Variants in SMG1 observed in about 807,000 individuals in gnomAD.
The protein encoded by SMG1 is serine/threonine-protein kinase SMG1.
A neutral mutation model predicts 419.9 loss-of-function variants in SMG1; 22 were observed. That is an observed-to-expected ratio of 0.05 (90% CI 0.04 to 0.07). SMG1 has a LOEUF of 0.07. Ranked by LOEUF, SMG1 falls within the 10% of genes least tolerant of loss-of-function variation. SMG1 has a pLI of 1.00. For missense variants in SMG1, 3,185 were observed against 4,342.0 expected (o/e 0.73, Z 7.49); for synonymous variants, 1,538 against 1,553.5 (o/e 0.99, Z 0.23).
At chr16:18,840,002 A>G (rs1330527917) in intron 41 of SMG1, 56 bp from the exon 42 acceptor site, 9 of 1,381,506 alleles carry the variant, frequency 6.5e-6, no homozygotes, top group Non-Finnish European at 6.9e-6. Context: ...ATAAGGAAAA[A>G]GAGTGCCTTT....
chr16:18,863,462 T>TC (rs1451408589), intron 25 of SMG1, among the ~76,000 whole-genome samples, 188 bp downstream of exon 25: 1 of 152,258 alleles, frequency 6.6e-6, no homozygotes, highest in African/African-American at 2.4e-5. Flanking sequence ...AGCAGTGTTT[T>TC]CCCATTACAC....
At chr16:18,918,078 T>C (rs2142006720) in intron 1 of SMG1, among the ~76,000 whole-genome samples, 1 of 151,490 alleles carries the variant, frequency 6.6e-6, no homozygotes, top group African/African-American at 2.4e-5. Context: ...CTGACCAACA[T>C]GGTGAAACCC....
intron 1 of SMG1, among the ~76,000 whole-genome samples, chr16:18,922,887 C>A (rs1329266885): frequency 1.3e-5 from 2 of 152,096 alleles, no homozygotes; most frequent in Non-Finnish European, 2.9e-5. Context: ...TCAAGACCAG[C>A]CTGGGCAACG....
At chr16:18,836,595 T>C (rs2033589432) in intron 46 of SMG1, 63 bp from the exon 47 acceptor site, 2 of 1,528,882 alleles carry the variant, frequency 1.3e-6, no homozygotes, top group Non-Finnish European at 1.8e-6. Context: ...CATACTTTCC[T>C]ACCCTGGAAT....
intron 36 of SMG1, 105 bp downstream of exon 36, chr16:18,849,105 AACCCTAC>A: frequency 2.9e-6 from 1 of 343,138 alleles, no homozygotes; most frequent in Non-Finnish European, 4.9e-6. Flanking sequence ...AAAAAAAAAA[AACCCTAC>A]AAACTCTAAC....
chr16:18,863,999 C>T lies in SMG1; in HGVS notation c.3493+3G>A, dbSNP rs1283097544. Reference sequence around the variant, plus strand: ...GCTTTATTTAAAAATACTGAACGCTCACCATTCAGAGAATGTTTCGGGCTG... The same window carrying T: ...GCTTTATTTAAAAATACTGAACGCTTACCATTCAGAGAATGTTTCGGGCTG... On this transcript the variant is annotated splice_donor_region_variant and intron_variant, in intron 24 of 62. Transcript: ENST00000446231. The T allele has an allele frequency of 6.5e-7, 1 of 1,549,754 alleles. No individual in the cohort carries two copies. Among genetic ancestry groups the T allele is most frequent in the Admixed American group, 2.0e-5 (1 of 50,996 alleles).
intron 58 of SMG1, chr16:18,815,972 A>G (rs1267014155): frequency 2.6e-5 from 12 of 454,282 alleles, no homozygotes; most frequent in Admixed American, 8.0e-5. Context: ...GGCAAACTGT[A>G]TGGGTTTGTT....
At chr16:18,849,629 G>T (rs900113550) in intron 35 of SMG1, among the ~76,000 whole-genome samples, 2 of 152,142 alleles carry the variant, frequency 1.3e-5, no homozygotes, top group African/African-American at 4.8e-5. Flanking sequence ...ACGGAGAAAT[G>T]TATCTTCTGT....
In SMG1 at chr16:18,836,099, G is replaced by A. The variant is rs1372353038; in HGVS notation, c.7891C>T (p.Arg2631Cys). ...GEVGALLQQR[R>C]SVLRGCLEQL... ...TCCAGACAGCCACGGAGCACGGAGCGCCTCTGCTGCAGGAGAGCACCAACC... is the reference window on the plus strand; with the variant it reads ...TCCAGACAGCCACGGAGCACGGAGCACCTCTGCTGCAGGAGAGCACCAACC... Residue 2631 changes from arginine to cysteine, a missense_variant, in exon 48 of 63, where the codon CGC becomes TGC. By Grantham distance (180) the Arg-to-Cys change is radical. Around this residue, in one of 27 missense-constraint regions of SMG1, gnomAD observed 412 missense variants for 546.6 expected, o/e 0.75. Coordinates refer to ENST00000446231, the MANE Select transcript of SMG1 (RefSeq NM_015092.5). The A allele has an allele frequency of 1.4e-5, 23 of 1,608,704 alleles. No individual in the cohort carries two copies. The highest frequency in any genetic ancestry group is 4.0e-5 in the African/African-American group (3 of 74,788).
chr16:18,925,095 T>C (rs905622995), intron 1 of SMG1: 1 of 152,192 alleles, frequency 6.6e-6, no homozygotes, highest in Non-Finnish European at 1.5e-5. Flanking sequence ...CAAGCATTTA[T>C]TAAGAGAGAT....
chr16:18,891,638 T>C (rs1359293533), intron 4 of SMG1, among the ~76,000 whole-genome samples: 1 of 152,152 alleles, frequency 6.6e-6, no homozygotes, highest in Non-Finnish European at 1.5e-5. Context: ...TTCACTATGT[T>C]GGGCAGGCTG....
intron 47 of SMG1, 43 bp from the exon 48 acceptor site, chr16:18,836,255 A>T: frequency 6.3e-7 from 1 of 1,597,030 alleles, no homozygotes; most frequent in Non-Finnish European, 8.5e-7. Flanking sequence ...AACAGGGTCA[A>T]GTCAGCTGTC....
chr16:18,851,367 A>T (rs1328569593), intron 33 of SMG1, among the ~76,000 whole-genome samples: 2 of 152,220 alleles, frequency 1.3e-5, no homozygotes, highest in African/African-American at 2.4e-5. Context: ...CTGGCTGCAC[A>T]TTAGCATCAC....
intron 1 of SMG1, among the ~76,000 whole-genome samples, chr16:18,923,001 C>G (rs529141238): frequency 1.4e-4 from 22 of 152,276 alleles, no homozygotes; most frequent in African/African-American, 4.8e-4. Context: ...AGGCTTGAGC[C>G]TGGGAGGTCG....
At chr16:18,837,988 T>C in intron 45 of SMG1, 26 bp downstream of exon 45, 1 of 1,607,616 alleles carries the variant, frequency 6.2e-7, no homozygotes, top group Middle Eastern at 1.7e-4. Flanking sequence ...AAGAAGACAA[T>C]GACTTATTCC....
chr16:18,843,943 G>T (rs187660416), intron 39 of SMG1, among the ~76,000 whole-genome samples: 8 of 151,738 alleles, frequency 5.3e-5, no homozygotes, highest in South Asian at 2.1e-4. Context: ...AGAGACACAG[G>T]TATTCTTAAT....
Position 18,809,598 on chromosome 16 carries a change from G to A in SMG1, c.10957C>T (p.Leu3653=). Residue 3653 remains leucine, a synonymous_variant, in exon 63 of 63, where the codon CTG becomes TTG. Coordinates refer to ENST00000446231, the MANE Select transcript of SMG1 (RefSeq NM_015092.5). ...ACCCAGGCTGTCCAACCTTCATACAGCTGAGCCAAGTTATCTAGATTAGTT... is the reference window on the plus strand; with the variant it reads ...ACCCAGGCTGTCCAACCTTCATACAACTGAGCCAAGTTATCTAGATTAGTT... ...EATNLDNLAQ[L]YEGWTAWV 6.2e-7 allele frequency: 1 copy of A among 1,611,740 alleles called. No individual in the cohort carries two copies.
At chr16:18,813,829 T>C (rs1008189908) in intron 60 of SMG1, among the ~76,000 whole-genome samples, 6 of 151,934 alleles carry the variant, frequency 3.9e-5, no homozygotes, top group Non-Finnish European at 8.8e-5. Flanking sequence ...CATCTTGAAT[T>C]AATTCAAGCC....
intron 19 of SMG1, 91 bp downstream of exon 19, chr16:18,869,763 C>A (rs556208840): frequency 1.8e-6 from 2 of 1,084,648 alleles, no homozygotes; most frequent in Admixed American, 3.9e-5. Context: ...TCTGCCACCC[C>A]CAAACATATT....
Sources: allele counts gnomAD v4.1 joint callset (sites outside exome capture counted in the v4.1 genomes callset), GRCh38; gene constraint gnomAD v4.1.1; regional missense constraint gnomAD v4.1.1; transcripts MANE v1.5; gene names NCBI Gene and HGNC (gene_info 2026-07-23, HGNC 2026-07-21).